The following UBE2D4 variants were observed in gnomAD, a reference collection of about 807,000 sequenced individuals.
UBE2D4 encodes the protein ubiquitin conjugating enzyme E2 D4.
A neutral mutation model predicts 23.0 loss-of-function variants in UBE2D4; 17 were observed. The ratio of observed to expected loss-of-function variants is 0.74; its 90% CI spans 0.51 to 1.11. The LOEUF (loss-of-function observed/expected upper bound fraction) is 1.11, where lower values mean the gene tolerates loss of function less well. UBE2D4 is among the 50% of genes least tolerant of loss of function. UBE2D4 has a pLI of 0.00. For missense variants in UBE2D4, 139 were observed against 181.8 expected (o/e 0.76, Z 1.35); for synonymous variants, 61 against 69.4 (o/e 0.88, Z 0.60).
At position 43,949,417 on chromosome 7, in the gene UBE2D4, G is replaced by A. The variant is rs76319277; in HGVS notation, c.304+680G>A. ...TTTAAATTTTTCTGTAGAGGAGACA[G>A]GGTCTCACTTTGTTGCCCAGGCCAT... On this transcript the variant is annotated intron_variant, in intron 5 of 6. Transcript: ENST00000222402. Among the ~76,000 whole-genome samples the A allele has an allele frequency of 4.3e-3, 661 of 152,324 alleles. 5 individuals carry two copies. Among genetic ancestry groups the A allele is most frequent in the African/African-American group, 0.015 (612 of 41,578 alleles).
rs367757969 is a variant in UBE2D4, at chr7:43,926,512, G to C, written c.-21G>C. On this transcript the variant is annotated 5_prime_UTR_variant, in exon 1 of 7. Coordinates refer to ENST00000222402, the MANE Select transcript of UBE2D4 (RefSeq NM_015983.4). ...CAGGCAGCCCCGGCCGGGCCGCCCG[G>C]GTCCCCGGCAGCGGGGTAGGATGGC... 1 of 1,523,560 alleles carries C rather than the reference G, an allele frequency of 6.6e-7. No individual in the cohort carries two copies. Among genetic ancestry groups the C allele is most frequent in the Non-Finnish European group, 8.8e-7 (1 of 1,136,708 alleles). 94.4% of individuals were successfully genotyped at this position (1,523,560 alleles called of 1,614,324 possible).
At chr7:43,928,456 G>C (rs1301679118) in intron 1 of UBE2D4, among the ~76,000 whole-genome samples, 1 of 150,530 alleles carries the variant, frequency 6.6e-6, no homozygotes, top group Non-Finnish European at 1.5e-5. Context: ...CTGTCCAAAA[G>C]AGAGATAATT....
At position 43,942,934 on chromosome 7, in the gene UBE2D4, T is replaced by C. The variant is rs550390718; in HGVS notation, c.121-20T>C. On this transcript the variant is annotated intron_variant, in intron 3 of 6. Coordinates refer to ENST00000222402, the MANE Select transcript of UBE2D4 (RefSeq NM_015983.4). The stretch of plus-strand genomic sequence containing the variant: ...GGCTTAGCACATGCACTGATCTCTT[T>C]CTGTGTCTCATCCTTCCAGAATGAC... The C allele has an allele frequency of 5.6e-6, 9 of 1,614,176 alleles. No homozygotes were observed. The South Asian group carries it at 9.9e-5, about 18-fold the overall frequency.
chr7:43,952,458 G>T (rs1562609312), intron 6 of UBE2D4, 192 bp from the exon 7 acceptor site: 1 of 575,916 alleles, frequency 1.7e-6, no homozygotes, highest in South Asian at 2.0e-5. Context: ...GGTTCACCCA[G>T]CTGGGGGTTT....
intron 2 of UBE2D4, 75 bp from the exon 3 acceptor site, chr7:43,942,751 T>C: frequency 6.3e-7 from 1 of 1,599,490 alleles, no homozygotes; most frequent in Non-Finnish European, 8.6e-7. Flanking sequence ...CGCTGTAATT[T>C]AGCAGTGCGT....
intron 2 of UBE2D4, among the ~76,000 whole-genome samples, chr7:43,939,683 C>G (rs1336473628): frequency 6.6e-6 from 1 of 152,220 alleles, no homozygotes; most frequent in African/African-American, 2.4e-5. Flanking sequence ...AAGTGCCCAT[C>G]AGTGGATGAC....
chr7:43,942,110 C>T (rs1460401970), intron 2 of UBE2D4: 2 of 152,864 alleles, frequency 1.3e-5, no homozygotes, highest in African/African-American at 4.8e-5. Context: ...AGAGCCTAGC[C>T]CGGGCAACAT....
chr7:43,942,480 T>G, intron 2 of UBE2D4: 2 of 458,886 alleles, frequency 4.4e-6, no homozygotes, highest in Middle Eastern at 6.3e-4. Context: ...CATTCCTGAT[T>G]GGGTGTTCTG....
Position 43,933,013 on chromosome 7 carries a change from T to TATATATATATATATATATAC in UBE2D4, c.25-5417_25-5416insTATATATATATATATATACA, listed in dbSNP as rs1340458201. 3.5e-4 allele frequency among the ~76,000 whole-genome samples: 41 copies of TATATATATATATATATATAC among 116,638 alleles called. 1 individual carries two copies. Among genetic ancestry groups the TATATATATATATATATATAC allele is most frequent in the South Asian group, 9.0e-4 (3 of 3,322 alleles). The allele number at this position is 116,638 out of a possible 152,430, so 76.5% of individuals were successfully genotyped here. A position where few individuals can be genotyped will look rare whatever the true frequency, so the allele number is the denominator to read the frequency against. ...ATATATATATATATATATATATATATACACACACATATATATACACATATG... is the reference window on the plus strand; with the variant it reads ...ATATATATATATATATATATATATATATATATATATATATATATACACACACACATATATATACACATATG... On this transcript the variant is annotated intron_variant, in intron 1 of 6. Coordinates refer to ENST00000222402, the MANE Select transcript of UBE2D4 (RefSeq NM_015983.4).
chr7:43,929,609 TAAAAC>T (rs1562595899), intron 1 of UBE2D4, among the ~76,000 whole-genome samples: 1 of 151,974 alleles, frequency 6.6e-6, no homozygotes, highest in African/African-American at 2.4e-5. Context: ...GACCCTGTCT[TAAAAC>T]AAAAGCAAAA....
rs186456185 is a variant in UBE2D4, at chr7:43,943,422, G to C, written c.198+391G>C. 2.9e-5 allele frequency: 8 copies of C among 276,844 alleles called. No individual in the cohort carries two copies. In the East Asian group the frequency reaches 6.5e-4, roughly 23 times the overall value. 17.1% of individuals were successfully genotyped at this position (276,844 alleles called of 1,614,324 possible). ...TTTGAGCAACATCTTAGGATATTTT[G>C]GGTTATCAAAACCGTGGTGAGGGAG... is the stretch of plus-strand genomic sequence containing the variant. On this transcript the variant is annotated intron_variant, in intron 4 of 6. Transcript: ENST00000222402.
Position 43,956,073 on chromosome 7 carries a change from T to A in UBE2D4, c.*3378T>A, listed in dbSNP as rs2132816262. ...TGTTCCCACCCTGGTCTTTGCCTGA[T>A]GACAGAGAAACTTTCTAAAAAAAAA... On this transcript the variant is annotated 3_prime_UTR_variant, in exon 7 of 7. Transcript: ENST00000222402. The A allele has an allele frequency of 6.6e-6, 1 of 152,242 alleles. No individual in the cohort carries two copies. The highest frequency in any genetic ancestry group is 1.9e-4 in the East Asian group (1 of 5,186). 9.4% of individuals were successfully genotyped at this position (152,242 alleles called of 1,614,324 possible).
Position 43,953,046 on chromosome 7 carries a change from T to A in UBE2D4, c.*351T>A. 2.3e-6 allele frequency: 1 copy of A among 434,406 alleles called. No homozygotes were observed. The highest frequency in any genetic ancestry group is 4.6e-6 in the Non-Finnish European group (1 of 216,922). 26.9% of individuals were successfully genotyped at this position (434,406 alleles called of 1,614,324 possible). ...CGGCCTCAAATGGTGCTGCTGCCCA[T>A]GATGGTACCACACCAGGGCCTCAGC... On this transcript the variant is annotated 3_prime_UTR_variant, in exon 7 of 7. Transcript: ENST00000222402.
rs938782566 is a variant in UBE2D4, at chr7:43,952,921, T to G, written c.*226T>G. On this transcript the variant is annotated 3_prime_UTR_variant, in exon 7 of 7. Transcript: ENST00000222402. ...GCCAAATCAGCAACCATTGTTGTTA[T>G]GATCTGCAGTCTTCCTGGTGACACT... 1.2e-5 allele frequency: 6 copies of G among 489,672 alleles called. No homozygotes were observed. The highest frequency in any genetic ancestry group is 2.3e-5 in the Non-Finnish European group (6 of 264,290). The allele number at this position is 489,672 out of a possible 1,614,324, so 30.3% of individuals were successfully genotyped here. A position where few individuals can be genotyped will look rare whatever the true frequency, so the allele number is the denominator to read the frequency against.
chr7:43,934,877 A>C (rs2095955126), intron 1 of UBE2D4, among the ~76,000 whole-genome samples: 1 of 152,218 alleles, frequency 6.6e-6, no homozygotes, highest in South Asian at 2.1e-4. Context: ...TAGAGCATTA[A>C]CAATGCTAAG....
chr7:43,942,742 G>A (rs2074728), intron 2 of UBE2D4, 84 bp from the exon 3 acceptor site: 80,319 of 1,580,530 alleles, frequency 0.051, 2,238 homozygotes, highest in East Asian at 0.094. Context: ...TAGACAGTGC[G>A]CTGTAATTTA....
At position 43,953,189 on chromosome 7, in the gene UBE2D4, A is replaced by ATC. The variant is rs780418483; in HGVS notation, c.*494_*495insTC. 5.0e-4 allele frequency: 229 copies of ATC among 456,754 alleles called. 1 individual carries two copies. Among genetic ancestry groups the ATC allele is most frequent in the South Asian group, 3.5e-3 (223 of 64,572 alleles). The allele number at this position is 456,754 out of a possible 1,614,324, so 28.3% of individuals were successfully genotyped here. A position where few individuals can be genotyped will look rare whatever the true frequency, so the allele number is the denominator to read the frequency against. ...GCAGAACCACATCCTGAGGAGTCTC[A>ATC]GCTTATCCTGGAGGGAATTGGGAAC... is the stretch of plus-strand genomic sequence containing the variant. On this transcript the variant is annotated 3_prime_UTR_variant, in exon 7 of 7. Transcript: ENST00000222402.
Position 43,954,334 on chromosome 7 carries a change from C to T in UBE2D4, c.*1639C>T, listed in dbSNP as rs1429824598. 1 of 128,560 alleles carries T rather than the reference C, an allele frequency of 7.8e-6. No individual in the cohort carries two copies. The highest frequency in any genetic ancestry group is 1.6e-5 in the Non-Finnish European group (1 of 64,482). The allele number at this position is 128,560 out of a possible 1,614,324, so 8.0% of individuals were successfully genotyped here. A position where few individuals can be genotyped will look rare whatever the true frequency, so the allele number is the denominator to read the frequency against. Reference sequence around the variant, plus strand: ...CCAGGCTGGAGTGCAGTGGTGCGATCTTGGCTCACTGCAACCTCTGCCTCC... The same window carrying T: ...CCAGGCTGGAGTGCAGTGGTGCGATTTTGGCTCACTGCAACCTCTGCCTCC... On this transcript the variant is annotated 3_prime_UTR_variant, in exon 7 of 7. Transcript: ENST00000222402.
chr7:43,933,013 T>C (rs146308646), intron 1 of UBE2D4, among the ~76,000 whole-genome samples: 19,065 of 116,614 alleles, frequency 0.16, 2,050 homozygotes, highest in Admixed American at 0.21. Context: ...TATATATATA[T>C]ACACACACAT....
Sources: gnomAD v4.1 joint callset for allele counts (sites outside exome capture counted in the v4.1 genomes callset) on GRCh38, gnomAD v4.1.1 for gene constraint, MANE v1.5 for transcripts, NCBI Gene and HGNC (gene_info 2026-07-23, HGNC 2026-07-21) for gene names.